Variants in ANKS1B observed in about 807,000 individuals in gnomAD.
ANKS1B encodes the protein ankyrin repeat and sterile alpha motif domain containing 1B, also known as ankyrin repeat and sterile alpha motif domain-containing protein 1B.
A neutral mutation model predicts 148.3 loss-of-function variants in ANKS1B; 36 were observed. The ratio of observed to expected loss-of-function variants is 0.24; its 90% CI spans 0.19 to 0.32. ANKS1B has a LOEUF of 0.32. Among genes scored for constraint, ANKS1B ranks in the 10% least tolerant of loss-of-function variants. The pLI, the probability that ANKS1B is intolerant of heterozygous loss-of-function variation, is 1.00. For synonymous variants in ANKS1B, 542 were observed against 560.8 expected (o/e 0.97, Z 0.47); for missense variants, 1,157 against 1,542.6 (o/e 0.75, Z 4.19).
intron 8 of ANKS1B, among the ~76,000 whole-genome samples, chr12:99,765,065 G>A (rs371301969): frequency 2.0e-5 from 3 of 152,254 alleles, no homozygotes; most frequent in East Asian, 1.9e-4. Flanking sequence ...GAAAAGGTGA[G>A]AGGTCAATCT....
At chr12:99,596,470 T>G (rs2097759485) in intron 9 of ANKS1B, among the ~76,000 whole-genome samples, 1 of 151,912 alleles carries the variant, frequency 6.6e-6, no homozygotes, top group Non-Finnish European at 1.5e-5. Context: ...TGTCCGCATC[T>G]TAACTAATTA....
At chr12:99,632,767 A>ATATATATATATATATTTTTT (rs1441486862) in intron 9 of ANKS1B, among the ~76,000 whole-genome samples, 3 of 71,314 alleles carry the variant, frequency 4.2e-5, no homozygotes, top group Non-Finnish European at 8.6e-5. Context: ...ATATATATAT[A>ATATATATATATATATTTTTT]TTTTAATTAT....
chr12:98,901,389 C>T (rs761783279), intron 17 of ANKS1B, among the ~76,000 whole-genome samples: 10 of 152,170 alleles, frequency 6.6e-5, no homozygotes, highest in Non-Finnish European at 1.3e-4. Flanking sequence ...CTCTGGACAG[C>T]GTCCACACTC....
At chr12:99,119,739 C>T (rs2062275588) in intron 15 of ANKS1B, among the ~76,000 whole-genome samples, 1 of 152,136 alleles carries the variant, frequency 6.6e-6, no homozygotes, top group African/African-American at 2.4e-5. Flanking sequence ...GAATGCTTTG[C>T]TTTTCTCTCA....
intron 12 of ANKS1B, among the ~76,000 whole-genome samples, chr12:99,333,455 A>AT (rs577270631): frequency 2.6e-5 from 4 of 152,010 alleles, no homozygotes; most frequent in Non-Finnish European, 5.9e-5. Context: ...AAATGTCTTC[A>AT]TTTTCACATC....
intron 16 of ANKS1B, among the ~76,000 whole-genome samples, chr12:99,063,456 A>C (rs1401639535): frequency 6.6e-6 from 1 of 152,200 alleles, no homozygotes; most frequent in Non-Finnish European, 1.5e-5. Context: ...GGGCTTAGAC[A>C]TCACTGTGCT....
intron 12 of ANKS1B, among the ~76,000 whole-genome samples, chr12:99,295,987 A>G (rs2080818872): frequency 6.6e-6 from 1 of 152,170 alleles, no homozygotes; most frequent in South Asian, 2.1e-4. Flanking sequence ...CTTTATATTT[A>G]TCTTTGCAAA....
At chr12:98,880,378 T>C (rs2099703890) in intron 17 of ANKS1B, among the ~76,000 whole-genome samples, 1 of 152,208 alleles carries the variant, frequency 6.6e-6, no homozygotes, top group South Asian at 2.1e-4. Context: ...GTAGCACTGA[T>C]ATGGAACTGG....
At chr12:99,491,949 C>A (rs2096559720) in intron 10 of ANKS1B, among the ~76,000 whole-genome samples, 1 of 151,998 alleles carries the variant, frequency 6.6e-6, no homozygotes, top group South Asian at 2.1e-4. Flanking sequence ...ATGCCCACAT[C>A]AAAAATTTAG....
chr12:98,917,197 G>A (rs1191375372), intron 17 of ANKS1B, among the ~76,000 whole-genome samples: 1 of 152,136 alleles, frequency 6.6e-6, no homozygotes, highest in Admixed American at 6.6e-5. Flanking sequence ...CTGGGCTCAA[G>A]CAATTATTAT....
At chr12:98,874,574 T>C (rs568698412) in intron 17 of ANKS1B, among the ~76,000 whole-genome samples, 67 of 152,216 alleles carry the variant, frequency 4.4e-4, no homozygotes, top group African/African-American at 1.6e-3. Context: ...TTGGGGTGGA[T>C]AGAACATTGA....
At chr12:99,146,840 A>C (rs549223389) in intron 15 of ANKS1B, among the ~76,000 whole-genome samples, 17 of 152,274 alleles carry the variant, frequency 1.1e-4, no homozygotes, top group African/African-American at 3.6e-4. Context: ...TACAGGGGAT[A>C]AAAGCATACA....
intron 9 of ANKS1B, among the ~76,000 whole-genome samples, chr12:99,543,587 T>C (rs2097146824): frequency 6.6e-6 from 1 of 152,070 alleles, no homozygotes. Flanking sequence ...GCCTACCAAT[T>C]GATGAATGGA....
chr12:99,932,580 T>A (rs190198887), intron 1 of ANKS1B, among the ~76,000 whole-genome samples: 1 of 152,180 alleles, frequency 6.6e-6, no homozygotes, highest in East Asian at 1.9e-4. Context: ...CTTCTTTTGA[T>A]AAATGTCTTT....
intron 10 of ANKS1B, among the ~76,000 whole-genome samples, chr12:99,445,782 C>A (rs1245971814): frequency 6.6e-6 from 1 of 151,920 alleles, no homozygotes; most frequent in Non-Finnish European, 1.5e-5. Context: ...AGTGCAGTAG[C>A]ATGAACACAG....
At chr12:99,479,659 T>C (rs1320433260) in intron 10 of ANKS1B, among the ~76,000 whole-genome samples, 2 of 151,914 alleles carry the variant, frequency 1.3e-5, no homozygotes, top group Non-Finnish European at 2.9e-5. Context: ...CTCACTTGTA[T>C]GTGGAATCTA....
chr12:99,605,473 C>T (rs1439919516), intron 9 of ANKS1B, among the ~76,000 whole-genome samples: 1 of 151,978 alleles, frequency 6.6e-6, no homozygotes, highest in African/African-American at 2.4e-5. Flanking sequence ...CCAACCTCTC[C>T]TCATTTTCCT....
At chr12:99,390,791 G>C (rs1206537720) in intron 12 of ANKS1B, among the ~76,000 whole-genome samples, 1 of 152,208 alleles carries the variant, frequency 6.6e-6, no homozygotes, top group African/African-American at 2.4e-5. Context: ...CCTCCAGAAG[G>C]GGGCCTCAGC....
At chr12:98,774,534 T>A (rs1353771) in intron 24 of ANKS1B, among the ~76,000 whole-genome samples, 1 of 152,176 alleles carries the variant, frequency 6.6e-6, no homozygotes, top group African/African-American at 2.4e-5. Flanking sequence ...TCACATAATC[T>A]TGCAATCATT....
Sources: allele counts gnomAD v4.1 joint callset (sites outside exome capture counted in the v4.1 genomes callset), GRCh38; gene constraint gnomAD v4.1.1; transcripts MANE v1.5; gene names NCBI Gene and HGNC (gene_info 2026-07-23, HGNC 2026-07-21).